Variants in ACSF2 observed in about 807,000 individuals in gnomAD.
ACSF2 encodes acyl-CoA synthetase family member 2.
ACSF2 carries 52 observed loss-of-function variants against 79.3 expected under a neutral mutation model. The ratio of observed to expected loss-of-function variants is 0.66; its 90% CI spans 0.53 to 0.83. ACSF2 has a LOEUF of 0.83. ACSF2 is among the 40% of genes least tolerant of loss of function. ACSF2 has a pLI of 0.00. For missense variants in ACSF2, 661 were observed against 803.3 expected (o/e 0.82, Z 2.14); for synonymous variants, 283 against 312.6 (o/e 0.91, Z 1.00).
intron 1 of ACSF2, among the ~76,000 whole-genome samples, chr17:50,442,839 G>C (rs1017278988): frequency 6.6e-6 from 1 of 151,876 alleles, no homozygotes; most frequent in Non-Finnish European, 1.5e-5. Flanking sequence ...CTTACTCATA[G>C]GAATAATTTT....
At chr17:50,456,980 G>C (rs962511711) in intron 1 of ACSF2, among the ~76,000 whole-genome samples, 5 of 152,206 alleles carry the variant, frequency 3.3e-5, no homozygotes, top group African/African-American at 1.2e-4. Context: ...TGGGAGGATT[G>C]CTTGAGTTTG....
At chr17:50,470,886 C>G in intron 10 of ACSF2, 142 bp from the exon 11 acceptor site, 1 of 662,668 alleles carries the variant, frequency 1.5e-6, no homozygotes, top group Non-Finnish European at 2.7e-6. Context: ...AGGCCCCTAC[C>G]AATGATGTCT....
At chr17:50,442,000 G>A (rs939392303) in intron 1 of ACSF2, among the ~76,000 whole-genome samples, 19 of 152,000 alleles carry the variant, frequency 1.3e-4, no homozygotes, top group African/African-American at 4.6e-4. Context: ...CAGCATGCCT[G>A]GCTAATTAAA....
intron 10 of ACSF2, chr17:50,468,749 G>A (rs1598433164): frequency 6.2e-7 from 1 of 1,602,160 alleles, no homozygotes; most frequent in Non-Finnish European, 8.5e-7. Context: ...CTGGGGGCAG[G>A]CGGCCAGCGC....
chr17:50,463,314 C>T lies in ACSF2; in HGVS notation c.888+63C>T, dbSNP rs1355043671. On this transcript the variant is annotated intron_variant, in intron 7 of 15. Transcript: ENST00000300441. This position sits in a 1 kb window ranked among gnomAD's most constrained non-coding sequence, Gnocchi z 4.6. ...GGGTGGCTCAGGCAGGGGTGGGGGG[C>T]TGGCTGGGCTCCCCTTGCCAGCTAG... The T allele has an allele frequency of 2.5e-6, 4 of 1,610,144 alleles. No individual in the cohort carries two copies. The African/African-American group carries it at 5.3e-5, about 22-fold the overall frequency.
rs989515091 is a variant in ACSF2, at chr17:50,471,381, C to T, written c.1323+246C>T. On this transcript the variant is annotated intron_variant, in intron 11 of 15. Transcript: ENST00000300441. The surrounding 1 kb of genome is among the most constrained non-coding windows in gnomAD (Gnocchi z 4.1). Reference sequence around the variant, plus strand: ...CTGAACTTCTCCGCGGCCTCCCTTCCTGTCTGAGGTGTGTTTTTGCCAAGC... The same window carrying T: ...CTGAACTTCTCCGCGGCCTCCCTTCTTGTCTGAGGTGTGTTTTTGCCAAGC... The T allele has an allele frequency of 9.8e-6, 5 of 510,200 alleles. No homozygotes were observed. The highest frequency in any genetic ancestry group is 9.6e-5 in the Admixed American group (3 of 31,276). The allele number at this position is 510,200 out of a possible 1,614,324, so 31.6% of individuals were successfully genotyped here. A position where few individuals can be genotyped will look rare whatever the true frequency, so the allele number is the denominator to read the frequency against.
At chr17:50,451,474 A>G (rs1055489809) in intron 1 of ACSF2, among the ~76,000 whole-genome samples, 6 of 151,870 alleles carry the variant, frequency 4.0e-5, no homozygotes, top group Admixed American at 6.6e-5. Flanking sequence ...TTTGAGACAG[A>G]GTTTTGCTCT....
At position 50,463,557 on chromosome 17, in the gene ACSF2, G is replaced by A; in HGVS notation, c.1046+5G>A. ...GGAGGCCATCAGCAGAGAGAGGTGGGCACTGGTGGACAGGCTACTTGTGGG... is the reference window on the plus strand; with the variant it reads ...GGAGGCCATCAGCAGAGAGAGGTGGACACTGGTGGACAGGCTACTTGTGGG... On this transcript the variant is annotated splice_donor_5th_base_variant and intron_variant, in intron 8 of 15. Transcript: ENST00000300441. This position sits in a 1 kb window ranked among gnomAD's most constrained non-coding sequence, Gnocchi z 4.6. 1 of 1,613,670 alleles carries A rather than the reference G, an allele frequency of 6.2e-7. No homozygotes were observed. Among genetic ancestry groups the A allele is most frequent in the Non-Finnish European group, 8.5e-7 (1 of 1,179,850 alleles).
chr17:50,439,602 CTG>C (rs999123786), intron 1 of ACSF2, among the ~76,000 whole-genome samples: 9 of 152,270 alleles, frequency 5.9e-5, no homozygotes, highest in African/African-American at 2.2e-4. Context: ...CCTGGCGAGA[CTG>C]TGCTACTGTG....
chr17:50,435,210 T>C (rs1245050066), intron 1 of ACSF2, among the ~76,000 whole-genome samples: 2 of 152,146 alleles, frequency 1.3e-5, no homozygotes, highest in African/African-American at 4.8e-5. Context: ...GGAGTGCTTT[T>C]GGGAGGAGCA....
intron 11 of ACSF2, chr17:50,472,170 C>T: frequency 2.1e-6 from 1 of 476,840 alleles, no homozygotes; most frequent in Non-Finnish European, 3.7e-6. Flanking sequence ...CAGCAGCTGC[C>T]TGCCCACTCT....
At chr17:50,434,896 G>A (rs868438029) in intron 1 of ACSF2, among the ~76,000 whole-genome samples, 10 of 151,672 alleles carry the variant, frequency 6.6e-5, no homozygotes, top group African/African-American at 2.4e-4. Context: ...TTGAGACAGA[G>A]TTTCACTGTT....
chr17:50,448,349 C>T (rs2031434074), intron 1 of ACSF2, among the ~76,000 whole-genome samples: 1 of 152,164 alleles, frequency 6.6e-6, no homozygotes, highest in Admixed American at 6.5e-5. Context: ...GCCAAAATGT[C>T]ATTTTGCAGT....
chr17:50,452,571 G>C (rs1256650951), intron 1 of ACSF2, among the ~76,000 whole-genome samples: 1 of 152,098 alleles, frequency 6.6e-6, no homozygotes, highest in African/African-American at 2.4e-5. Context: ...TGCATGCAGG[G>C]CTTAATACCT....
chr17:50,468,169 C>T (rs773254019), intron 10 of ACSF2: 1 of 1,614,166 alleles, frequency 6.2e-7, no homozygotes, highest in South Asian at 1.1e-5. Flanking sequence ...GTAGCTTGCT[C>T]AGGGCAGCTG....
chr17:50,444,636 A>AACACACACAC lies in ACSF2; in HGVS notation c.129-16018_129-16009dup, dbSNP rs72392656. Reference sequence around the variant, plus strand: ...CAGCCCCCGAGTTTCTCTCTCTGCAAACACACACACACACACACACACACA... The same window carrying AACACACACAC: ...CAGCCCCCGAGTTTCTCTCTCTGCAAACACACACACACACACACACACACACACACACACA... On this transcript the variant is annotated intron_variant, in intron 1 of 15. Coordinates refer to ENST00000300441, the MANE Select transcript of ACSF2 (RefSeq NM_025149.6). Among the ~76,000 whole-genome samples, 53 of 148,078 alleles carry AACACACACAC rather than the reference A, an allele frequency of 3.6e-4. No individual in the cohort carries two copies. In the Middle Eastern group the frequency reaches 0.021, roughly 58 times the overall value.
intron 1 of ACSF2, among the ~76,000 whole-genome samples, chr17:50,447,103 A>C (rs2031351989): frequency 6.6e-6 from 1 of 152,166 alleles, no homozygotes. Context: ...TCATCACCTC[A>C]CAGAGTTACC....
At chr17:50,467,397 G>T (rs906098950) in intron 10 of ACSF2, among the ~76,000 whole-genome samples, 1 of 152,210 alleles carries the variant, frequency 6.6e-6, no homozygotes, top group Non-Finnish European at 1.5e-5. Flanking sequence ...CATCCTGGGG[G>T]AGCCCTTGGT....
rs746807734 is a variant in ACSF2, at chr17:50,426,968, T to C, written c.128+579T>C. On this transcript the variant is annotated intron_variant, in intron 1 of 15. Coordinates refer to ENST00000300441, the MANE Select transcript of ACSF2 (RefSeq NM_025149.6). ...CAGTTCCCAGTAGCTTCACTGCCTCTGCAGCAGCACAGTAAGTAAAGCTGC... is the reference window on the plus strand; with the variant it reads ...CAGTTCCCAGTAGCTTCACTGCCTCCGCAGCAGCACAGTAAGTAAAGCTGC... 4.5e-5 allele frequency: 69 copies of C among 1,535,766 alleles called. No individual in the cohort carries two copies. In the South Asian group the frequency reaches 7.7e-4, roughly 17 times the overall value.
Sources: gnomAD v4.1 joint callset for allele counts (sites outside exome capture counted in the v4.1 genomes callset) on GRCh38, gnomAD v4.1.1 for gene constraint, Gnocchi (gnomAD v3.1) non-coding constraint, MANE v1.5 for transcripts, NCBI Gene and HGNC (gene_info 2026-07-23, HGNC 2026-07-21) for gene names.